PHLPP2: variants seen among roughly 807,000 people sequenced by gnomAD.
PHLPP2 encodes the protein PH domain and leucine rich repeat protein phosphatase 2.
In PHLPP2, 66 loss-of-function variants were observed where a neutral mutation model predicts 124.9. The ratio of observed to expected loss-of-function variants is 0.53; its 90% CI spans 0.43 to 0.65. The LOEUF (loss-of-function observed/expected upper bound fraction) is 0.65, where lower values mean the gene tolerates loss of function less well. Among genes scored for constraint, PHLPP2 ranks in the 30% least tolerant of loss-of-function variants. The probability of loss-of-function intolerance (pLI) is 0.00; values close to 1 mark genes in which losing one functional copy is unlikely to be tolerated. For missense variants in PHLPP2, 1,685 were observed against 1,600.4 expected, an observed-to-expected ratio of 1.05 and a Z score of -0.90; for synonymous variants, 681 against 624.7, an observed-to-expected ratio of 1.09 and a Z score of -1.34.
chr16:71,662,095 T>C (rs1366871239), intron 13 of PHLPP2, among the ~76,000 whole-genome samples: 1 of 151,874 alleles, frequency 6.6e-6, no homozygotes, highest in African/African-American at 2.4e-5. Context: ...GTGCTGGGAT[T>C]ACAGGCATGA....
chr16:71,661,785 G>A (rs1410462389), intron 13 of PHLPP2, among the ~76,000 whole-genome samples: 1 of 152,006 alleles, frequency 6.6e-6, no homozygotes, highest in African/African-American at 2.4e-5. Flanking sequence ...GACCAGCCTG[G>A]ACAACACAGC....
At chr16:71,698,644 G>A (rs573566810) in intron 3 of PHLPP2, 4 of 588,464 alleles carry the variant, frequency 6.8e-6, no homozygotes, top group Non-Finnish European at 1.3e-5. Context: ...GCTGTGGGCA[G>A]CCATTGTACA....
Position 71,649,022 on chromosome 16 carries a change from C to G in PHLPP2, c.3840G>C (p.Gln1280His). Residue 1280 changes from glutamine (Q) to histidine (H), a missense_variant, in exon 19 of 19, where the codon CAG (glutamine) becomes CAC (histidine). Physicochemically the swap from Gln to His is conservative, Grantham distance 24. Coordinates refer to ENST00000568954, the MANE Select transcript of PHLPP2 (RefSeq NM_015020.3). The stretch of plus-strand genomic sequence containing the variant: ...CTTCCAGGTCATGAGGCACAACAAA[C>G]TGGTCCTCTGGTTCCATCTGAGTGG... ...AAPTQMEPED[Q>H]FVVPHDLEEE... 1.2e-6 allele frequency: 2 copies of G among 1,614,160 alleles called. No homozygotes were observed. Among genetic ancestry groups the G allele is most frequent in the South Asian group, 1.1e-5 (1 of 91,078 alleles).
At position 71,714,607 on chromosome 16, in the gene PHLPP2, A is replaced by T. The variant is rs762217683; in HGVS notation, c.189T>A (p.His63Gln). The T allele has an allele frequency of 3.1e-6, 5 of 1,614,032 alleles. No homozygotes were observed. Among genetic ancestry groups the T allele is most frequent in the Non-Finnish European group, 4.2e-6 (5 of 1,180,008 alleles). ...GTGTCTCTACAGTGCAAAGGACGAG[A>T]TGTAAGTCAGAGGAAGAGGAGGAGG... ...SSSSSSSSDL[H>Q]LVLCTVETPA... Residue 63 changes from histidine (H) to glutamine (Q), a missense_variant, in exon 2 of 19, where the codon CAT becomes CAA. Transcript: ENST00000568954.
intron 3 of PHLPP2, among the ~76,000 whole-genome samples, chr16:71,694,934 G>A (rs1318300852): frequency 6.6e-6 from 1 of 151,930 alleles, no homozygotes; most frequent in Non-Finnish European, 1.5e-5. Flanking sequence ...ACAGGCGCCT[G>A]CCACCACGCC....
At chr16:71,656,277 T>A (rs536310901) in intron 16 of PHLPP2, among the ~76,000 whole-genome samples, 1 of 152,154 alleles carries the variant, frequency 6.6e-6, no homozygotes, top group Admixed American at 6.6e-5. Flanking sequence ...ATAAAACTTA[T>A]CTATAGGGAA....
At chr16:71,681,192 T>A (rs1366774560) in intron 6 of PHLPP2, among the ~76,000 whole-genome samples, 1 of 152,072 alleles carries the variant, frequency 6.6e-6, no homozygotes, top group Non-Finnish European at 1.5e-5. Context: ...CATTTTTAAG[T>A]GGAGGAATGA....
chr16:71,654,816 A>G (rs2044728279), intron 17 of PHLPP2, among the ~76,000 whole-genome samples: 2 of 152,220 alleles, frequency 1.3e-5, no homozygotes, highest in African/African-American at 4.8e-5. Context: ...TACTTTACTT[A>G]GAAGATTAGT....
Position 71,681,921 on chromosome 16 carries a change from G to GAGA in PHLPP2, c.736-19_736-17dup. On this transcript the variant is annotated splice_polypyrimidine_tract_variant and intron_variant, in intron 5 of 18. Transcript: ENST00000568954. ...GGGACACCACCTGAATAATGTCAAA[G>GAGA]AGAAGAGCCTTCTGAGCTAGTACTG... 6.3e-7 allele frequency: 1 copy of GAGA among 1,582,056 alleles called. No homozygotes were observed. Among genetic ancestry groups the GAGA allele is most frequent in the Non-Finnish European group, 8.6e-7 (1 of 1,163,084 alleles).
intron 4 of PHLPP2, among the ~76,000 whole-genome samples, chr16:71,688,765 T>C (rs919847252): frequency 6.6e-6 from 1 of 152,162 alleles, no homozygotes; most frequent in Non-Finnish European, 1.5e-5. Context: ...GCAACTCTAC[T>C]TACTTTCTTC....
chr16:71,679,919 A>T (rs2044981545), intron 6 of PHLPP2, among the ~76,000 whole-genome samples: 1 of 152,076 alleles, frequency 6.6e-6, no homozygotes, highest in East Asian at 1.9e-4. Flanking sequence ...CATCTCTACT[A>T]AAAAACAGAA....
intron 8 of PHLPP2, 87 bp downstream of exon 8, chr16:71,678,668 A>C: frequency 1.3e-6 from 1 of 776,322 alleles, no homozygotes; most frequent in Non-Finnish European, 2.2e-6. Flanking sequence ...TAAAAACCCT[A>C]ATGTTTTAAA....
At chr16:71,682,218 GTTT>G (rs537663645) in intron 5 of PHLPP2, among the ~76,000 whole-genome samples, 5 of 134,680 alleles carry the variant, frequency 3.7e-5, no homozygotes, top group Non-Finnish European at 4.8e-5. Flanking sequence ...TTGTTTTTGG[GTTT>G]TTTTTTTTTT....
rs1374122081 is a variant in PHLPP2, at chr16:71,649,633, C to T, written c.3229G>A (p.Ala1077Thr). The T allele has an allele frequency of 6.2e-7, 1 of 1,614,218 alleles. No homozygotes were observed. The highest frequency in any genetic ancestry group is 2.2e-5 in the East Asian group (1 of 44,896). Residue 1077 changes from alanine to threonine, a missense_variant, in exon 19 of 19, where the codon GCC becomes ACC. Ala to Thr is a moderately conservative substitution (Grantham distance 58). Transcript: ENST00000568954. ...GACATCTCACTGCTGAACTCAGAGGCAATCCCACTGCTAGAGGATGGAGTG... is the reference window on the plus strand; with the variant it reads ...GACATCTCACTGCTGAACTCAGAGGTAATCCCACTGCTAGAGGATGGAGTG... ...PATPSSSSGI[A>T]SEFSSEMSTS...
chr16:71,696,238 T>C (rs1011020183), intron 3 of PHLPP2, among the ~76,000 whole-genome samples: 2 of 152,210 alleles, frequency 1.3e-5, no homozygotes, highest in Non-Finnish European at 2.9e-5. Context: ...GAAAAGATGA[T>C]ACCTGATGTT....
chr16:71,670,547 C>T (rs1375569801), intron 10 of PHLPP2, among the ~76,000 whole-genome samples: 1 of 151,850 alleles, frequency 6.6e-6, no homozygotes, highest in Non-Finnish European at 1.5e-5. Flanking sequence ...GAAACTAAGC[C>T]AACAAATGCA....
In PHLPP2 at chr16:71,649,655, AGT is replaced by A; in HGVS notation, c.3205_3206del (p.Thr1069SerfsTer4). 1 of 1,614,156 alleles carries A rather than the reference AGT, an allele frequency of 6.2e-7. No individual in the cohort carries two copies. The highest frequency in any genetic ancestry group is 8.5e-7 in the Non-Finnish European group (1 of 1,180,032). ...AGGCAATCCCACTGCTAGAGGATGG[AGT>A]GGCTGGCTTAGGGGCATCCTTGATA... is the stretch of plus-strand genomic sequence containing the variant. Reference protein sequence around the residue: ...TTIKDAPKPATPSSSSGIASE... With the variant: ...TTIKDAPKPAXPSSSSGIASE... On this transcript the variant is annotated frameshift_variant, in exon 19 of 19. Transcript: ENST00000568954. LOFTEE classifies it high-confidence loss of function.
chr16:71,676,405 C>T, intron 9 of PHLPP2, 42 bp downstream of exon 9: 3 of 1,515,926 alleles, frequency 2.0e-6, no homozygotes, highest in East Asian at 2.3e-5. Flanking sequence ...GCACTGACAA[C>T]AGCTGAAAGA....
chr16:71,674,690 T>C (rs2044929241), intron 9 of PHLPP2, among the ~76,000 whole-genome samples: 1 of 152,172 alleles, frequency 6.6e-6, no homozygotes, highest in Non-Finnish European at 1.5e-5. Flanking sequence ...ATTTGCCCAT[T>C]TTCCTATTAA....
Sources: gnomAD v4.1 joint callset for allele counts (sites outside exome capture counted in the v4.1 genomes callset) on GRCh38, gnomAD v4.1.1 for gene constraint, MANE v1.5 for transcripts, NCBI Gene and HGNC (gene_info 2026-07-23, HGNC 2026-07-21) for gene names.